The following TNXB variants were observed in gnomAD, a reference collection of about 807,000 sequenced individuals.
TNXB encodes the protein tenascin XB.
Under a neutral mutation model 340.5 loss-of-function variants are expected in TNXB, and 183 were observed. That is an observed-to-expected ratio of 0.54 (90% CI 0.48 to 0.61). The LOEUF is 0.61. Ranked by LOEUF, TNXB falls within the 20% of genes least tolerant of loss-of-function variation. The pLI is 0.00. For missense variants in TNXB, 4,613 were observed against 5,446.4 expected (o/e 0.85, Z 4.82); for synonymous variants, 2,121 against 2,314.5 (o/e 0.92, Z 2.40).
chr6:32,042,399 C>A, intron 40 of TNXB, 37 bp from the exon 41 acceptor site: 2 of 1,595,960 alleles, frequency 1.3e-6, no homozygotes, highest in Non-Finnish European at 1.7e-6. Flanking sequence ...GCCTCTGGCT[C>A]CCGGGGCAAC....
intron 1 of TNXB, among the ~76,000 whole-genome samples, chr6:32,103,674 A>G (rs1352826656): frequency 2.7e-5 from 4 of 150,876 alleles, no homozygotes. Context: ...ATTTGTCTTC[A>G]TCTTGCTTGA....
rs1316628143 is a variant in TNXB, at chr6:32,108,334, C to T, written c.-9+847G>A. ...AGGGGCCCGCCCTTCCCACCCGGGGCGTGTCACGTGTACTGGTGGTGGGGG... is the reference window on the plus strand; with the variant it reads ...AGGGGCCCGCCCTTCCCACCCGGGGTGTGTCACGTGTACTGGTGGTGGGGG... On this transcript the variant is annotated intron_variant, in intron 1 of 43. Transcript: ENST00000644971. The surrounding 1 kb of genome is among the most constrained non-coding windows in gnomAD (Gnocchi z 4.8). Among the ~76,000 whole-genome samples, 1 of 152,108 alleles carries T rather than the reference C, an allele frequency of 6.6e-6. No individual in the cohort carries two copies. The highest frequency in any genetic ancestry group is 1.5e-5 in the Non-Finnish European group (1 of 68,004).
chr6:32,067,522 T>G lies in TNXB; in HGVS notation c.6544+139A>C. 1 of 1,230,920 alleles carries G rather than the reference T, an allele frequency of 8.1e-7. No individual in the cohort carries two copies. Among genetic ancestry groups the G allele is most frequent in the Non-Finnish European group, 1.1e-6 (1 of 920,116 alleles). 76.2% of individuals were successfully genotyped at this position (1,230,920 alleles called of 1,614,324 possible). ...TGGATTTGCTCTCTCTGTCCCCAGA[T>G]CACACCTGTCCTGAGCCTTTAGTGA... is the stretch of plus-strand genomic sequence containing the variant. On this transcript the variant is annotated intron_variant, in intron 18 of 43. Transcript: ENST00000644971. The surrounding 1 kb of genome is among the most constrained non-coding windows in gnomAD (Gnocchi z 4.2).
Position 32,049,532 on chromosome 6 carries a change from C to T in TNXB, c.9495G>A (p.Glu3165=), listed in dbSNP as rs1228014497. 1.9e-6 allele frequency: 3 copies of T among 1,612,560 alleles called. No individual in the cohort carries two copies. Among genetic ancestry groups the T allele is most frequent in the South Asian group, 2.2e-5 (2 of 91,064 alleles). The change falls in exon 28 of 44, where the codon GAG becomes GAA. Residue 3165 remains glutamate (E), a synonymous_variant. Coordinates refer to ENST00000644971, the MANE Select transcript of TNXB (RefSeq NM_001365276.2). The surrounding 1 kb of genome is among the most constrained non-coding windows in gnomAD (Gnocchi z 4.5). The part of the protein sequence containing the change: ...EPSTEAPEAP[E]EPLLGELTVT... ...CTGTCAACTCCCCCAGGAGCGGCTC[C>T]TCAGGGGCCTCCGGGGCCTCAGTGC...
rs754541507 is a variant in TNXB, at chr6:32,064,266, G to T, written c.6841+555C>A. Among the ~76,000 whole-genome samples, 1 of 152,206 alleles carries T rather than the reference G, an allele frequency of 6.6e-6. No homozygotes were observed. Among genetic ancestry groups the T allele is most frequent in the Non-Finnish European group, 1.5e-5 (1 of 68,034 alleles). ...CTCACTCTGTCACACAGGCTGGAGTGCAGTGGCTCGATCTCGGCTCACTGC... is the reference window on the plus strand; with the variant it reads ...CTCACTCTGTCACACAGGCTGGAGTTCAGTGGCTCGATCTCGGCTCACTGC... On this transcript the variant is annotated intron_variant, in intron 19 of 43. Coordinates refer to ENST00000644971, the MANE Select transcript of TNXB (RefSeq NM_001365276.2). The surrounding 1 kb of genome is among the most constrained non-coding windows in gnomAD (Gnocchi z 5.3).
chr6:32,102,516 T>G (rs569099500), intron 1 of TNXB, among the ~76,000 whole-genome samples: 4 of 152,132 alleles, frequency 2.6e-5, no homozygotes, highest in African/African-American at 9.6e-5. Context: ...GTAAAAAATA[T>G]CACACACAGA....
chr6:32,070,222 A>T lies in TNXB; in HGVS notation c.5183T>A (p.Val1728Asp), dbSNP rs769624365. The change falls in exon 14 of 44, where the codon GTC (valine) becomes GAC (aspartate). Residue 1728 changes from valine (V) to aspartate (D), a missense_variant. Around this residue, in one of 7 missense-constraint regions of TNXB, gnomAD observed 4,327 missense variants for 4,859.4 expected, o/e 0.89. Transcript: ENST00000644971. This position sits in a 1 kb window ranked among gnomAD's most constrained non-coding sequence, Gnocchi z 6.0. ...CTTGCGGCCGGCATCCAGAGGGGTG[A>T]CAGTGACAGAGCGCTCATGGCCCTC... ...PVEGHERSVT[V>D]TPLDAGRKYR... 6.2e-7 allele frequency: 1 copy of T among 1,612,670 alleles called. No individual in the cohort carries two copies. Among genetic ancestry groups the T allele is most frequent in the South Asian group, 1.1e-5 (1 of 90,832 alleles).
At position 32,067,139 on chromosome 6, in the gene TNXB, GA is replaced by G. The variant is rs1562823237; in HGVS notation, c.6544+521del. On this transcript the variant is annotated intron_variant, in intron 18 of 43. Coordinates refer to ENST00000644971, the MANE Select transcript of TNXB (RefSeq NM_001365276.2). This position sits in a 1 kb window ranked among gnomAD's most constrained non-coding sequence, Gnocchi z 4.2. ...AGAAAGAAAGAAAGGAAGGAAGAAA[GA>G]AAGAAAGAAAGAAAGAAAGAAAGAA... 1.4e-3 allele frequency among the ~76,000 whole-genome samples: 164 copies of G among 116,190 alleles called. No individual in the cohort carries two copies. The highest frequency in any genetic ancestry group is 9.4e-3 in the Middle Eastern group (2 of 212). 76.2% of individuals were successfully genotyped at this position (116,190 alleles called of 152,430 possible).
At chr6:32,104,697 C>T (rs958552446) in intron 1 of TNXB, among the ~76,000 whole-genome samples, 2 of 151,830 alleles carry the variant, frequency 1.3e-5, no homozygotes, top group Non-Finnish European at 2.9e-5. Context: ...TGCAGTGGTG[C>T]GATCATAGCT....
In TNXB at chr6:32,079,056, G is replaced by C. The variant is rs771493330; in HGVS notation, c.4352C>G (p.Pro1451Arg). Reference sequence around the variant, plus strand: ...ACCTGTCACGCCCACGGCGGACACCGGGCCCACGCGCTGCCCCTCGTGGAG... The same window carrying C: ...ACCTGTCACGCCCACGGCGGACACCCGGCCCACGCGCTGCCCCTCGTGGAG... ...YGLHEGQRVG[P>R]VSAVGVTAPQ... Residue 1451 changes from proline to arginine, a missense_variant, in exon 11 of 44, where the codon CCG becomes CGG. Around this residue, in one of 7 missense-constraint regions of TNXB, gnomAD observed 4,327 missense variants for 4,859.4 expected, o/e 0.89. Transcript: ENST00000644971. This position sits in a 1 kb window ranked among gnomAD's most constrained non-coding sequence, Gnocchi z 7.1. 1.9e-6 allele frequency: 3 copies of C among 1,612,470 alleles called. No individual in the cohort carries two copies. Among genetic ancestry groups the C allele is most frequent in the Non-Finnish European group, 2.5e-6 (3 of 1,179,498 alleles).
At chr6:32,077,016 A>G (rs996059507) in intron 11 of TNXB, among the ~76,000 whole-genome samples, 2 of 152,290 alleles carry the variant, frequency 1.3e-5, no homozygotes, top group Non-Finnish European at 2.9e-5. Context: ...AATAAAAATC[A>G]TACAGCTGAG....
Position 32,058,246 on chromosome 6 carries a change from T to C in TNXB, c.7637A>G (p.Gln2546Arg). 6.2e-7 allele frequency: 1 copy of C among 1,612,394 alleles called. No homozygotes were observed. The highest frequency in any genetic ancestry group is 2.2e-5 in the East Asian group (1 of 44,874). ...DSLSLSWTVP[Q>R]GRFDSFTVQY... The stretch of plus-strand genomic sequence containing the variant: ...CACGGTGAAGGAGTCAAAGCGGCCC[T>C]GGGGGACGGTCCAGGAAAGGCTCAG... The change falls in exon 22 of 44, where the codon CAG (glutamine) becomes CGG (arginine). Residue 2546 changes from glutamine to arginine, a missense_variant. Gln to Arg is a conservative substitution (Grantham distance 43, BLOSUM62 1). Around this residue, in one of 7 missense-constraint regions of TNXB, gnomAD observed 4,327 missense variants for 4,859.4 expected, o/e 0.89. Coordinates refer to ENST00000644971, the MANE Select transcript of TNXB (RefSeq NM_001365276.2). The surrounding 1 kb of genome is among the most constrained non-coding windows in gnomAD (Gnocchi z 5.1).
At position 32,056,182 on chromosome 6, in the gene TNXB, A is replaced by C. The variant is rs1292631428; in HGVS notation, c.8144-8T>G. On this transcript the variant is annotated splice_region_variant and splice_polypyrimidine_tract_variant and intron_variant, in intron 23 of 43. Transcript: ENST00000644971. ...GGGTCTCTTCCTCTGCAGCTGAGAA[A>C]AGGAGATATAGAGAGGATGCCAGGT... 1.9e-6 allele frequency: 3 copies of C among 1,610,180 alleles called. No homozygotes were observed. In the Admixed American group the frequency reaches 5.0e-5, roughly 27 times the overall value.
chr6:32,069,967 G>A lies in TNXB; in HGVS notation c.5279-106C>T, dbSNP rs1582410263. ...TGGAGACAGGGCTTTGCGTGGCTGA[G>A]TCCTGCCGGGCTGTGCTAGGGGCTT... On this transcript the variant is annotated intron_variant, in intron 14 of 43. Coordinates refer to ENST00000644971, the MANE Select transcript of TNXB (RefSeq NM_001365276.2). The surrounding 1 kb of genome is among the most constrained non-coding windows in gnomAD (Gnocchi z 6.2). 2 of 1,383,350 alleles carry A rather than the reference G, an allele frequency of 1.4e-6. No homozygotes were observed. Among genetic ancestry groups the A allele is most frequent in the Non-Finnish European group, 1.9e-6 (2 of 1,039,972 alleles). The allele number at this position is 1,383,350 out of a possible 1,614,324, so 85.7% of individuals were successfully genotyped here.
In TNXB at chr6:32,043,558, T is replaced by C; in HGVS notation, c.11531-2A>G. On this transcript the variant is annotated splice_acceptor_variant, in intron 35 of 43. Coordinates refer to ENST00000644971, the MANE Select transcript of TNXB (RefSeq NM_001365276.2). LOFTEE classifies it high-confidence loss of function. The stretch of plus-strand genomic sequence containing the variant: ...GCAACTGTGTGGGACCGTCAGGAAC[T>C]GGGGGAAGGGGAGGGGCTCAGAAGG... The C allele has an allele frequency of 9.6e-7, 1 of 1,046,834 alleles. No individual in the cohort carries two copies. Among genetic ancestry groups the C allele is most frequent in the Non-Finnish European group, 1.4e-6 (1 of 698,564 alleles). The allele number at this position is 1,046,834 out of a possible 1,614,324, so 64.8% of individuals were successfully genotyped here.
rs186516953 is a variant in TNXB, at chr6:32,064,434, G to T, written c.6841+387C>A. On this transcript the variant is annotated intron_variant, in intron 19 of 43. Coordinates refer to ENST00000644971, the MANE Select transcript of TNXB (RefSeq NM_001365276.2). This position sits in a 1 kb window ranked among gnomAD's most constrained non-coding sequence, Gnocchi z 5.3. ...TCATGATGTTGGCCAGGCTGGTCTC[G>T]AACTCCTGACCTCAAGTGATCTGCC... is the stretch of plus-strand genomic sequence containing the variant. 1.2e-3 allele frequency among the ~76,000 whole-genome samples: 187 copies of T among 152,168 alleles called. 6 individuals carry two copies. In the East Asian group the frequency reaches 0.019, roughly 15 times the overall value.
Position 32,095,831 on chromosome 6 carries a change from G to A in TNXB, c.2022C>T (p.Gly674=), listed in dbSNP as rs553907333. The A allele has an allele frequency of 6.2e-7, 1 of 1,612,204 alleles. No homozygotes were observed. Among genetic ancestry groups the A allele is most frequent in the Non-Finnish European group, 8.5e-7 (1 of 1,179,240 alleles). Residue 674 remains glycine (G), a synonymous_variant, in exon 3 of 44, where the codon GGC becomes GGT. Transcript: ENST00000644971. The stretch of plus-strand genomic sequence containing the variant: ...GCTCTTCCTGCCCGCAGTCCTCACC[G>A]CCATAGCCCACGTGGCACAGGCACA... ...QGVCLCHVGY[G]GEDCGQEEPP...
chr6:32,074,054 T>C lies in TNXB; in HGVS notation c.4376-102A>G. On this transcript the variant is annotated intron_variant, in intron 11 of 43. Coordinates refer to ENST00000644971, the MANE Select transcript of TNXB (RefSeq NM_001365276.2). The surrounding 1 kb of genome is among the most constrained non-coding windows in gnomAD (Gnocchi z 5.5). ...TTTATTTTTTATTTTTGAGATGGAG[T>C]CTCGCTGTCACCCAGAGCAGTGGGC... 2.9e-4 allele frequency: 266 copies of C among 921,980 alleles called. No individual in the cohort carries two copies. The highest frequency in any genetic ancestry group is 3.7e-4 in the Non-Finnish European group (239 of 640,692). 57.1% of individuals were successfully genotyped at this position (921,980 alleles called of 1,614,324 possible). A position where few individuals can be genotyped will look rare whatever the true frequency, so the allele number is the denominator to read the frequency against.
intron 26 of TNXB, among the ~76,000 whole-genome samples, chr6:32,050,598 C>T (rs1288362281): frequency 6.6e-6 from 1 of 151,726 alleles, no homozygotes; most frequent in Non-Finnish European, 1.5e-5. Flanking sequence ...CACTTGGCCT[C>T]TGCACCCTTA....
Sources: gnomAD v4.1 joint callset for allele counts (sites outside exome capture counted in the v4.1 genomes callset) on GRCh38, gnomAD v4.1.1 for gene constraint, gnomAD v4.1.1 regional missense constraint, Gnocchi (gnomAD v3.1) non-coding constraint, MANE v1.5 for transcripts, NCBI Gene and HGNC (gene_info 2026-07-23, HGNC 2026-07-21) for gene names.